Variants in SATB1 observed in about 807,000 individuals in gnomAD.
SATB1 encodes DNA-binding protein SATB1.
Under a neutral mutation model 86.9 loss-of-function variants are expected in SATB1, and 11 were observed. That is an observed-to-expected ratio of 0.13 (90% CI 0.08 to 0.21). The LOEUF (loss-of-function observed/expected upper bound fraction) is 0.21, where lower values mean the gene tolerates loss of function less well. Ranked by LOEUF, SATB1 falls within the 10% of genes least tolerant of loss-of-function variation. The pLI is 1.00. For missense variants in SATB1, 551 were observed against 937.6 expected (o/e 0.59, Z 5.39); for synonymous variants, 357 against 357.2 (o/e 1.00, Z 0.01).
At chr3:18,433,651 A>G (rs527882978) in intron 2 of SATB1, among the ~76,000 whole-genome samples, 1 of 152,222 alleles carries the variant, frequency 6.6e-6, no homozygotes, top group South Asian at 2.1e-4. Context: ...CGCATAATTA[A>G]GGAATGCTAA....
At chr3:18,388,325 CAAAA>C (rs200115186) in intron 7 of SATB1, among the ~76,000 whole-genome samples, 1 of 144,300 alleles carries the variant, frequency 6.9e-6, no homozygotes. Flanking sequence ...ATTCAGGTCT[CAAAA>C]AAAAAAAGTT....
intron 7 of SATB1, among the ~76,000 whole-genome samples, chr3:18,389,078 T>C (rs1696493973): frequency 2.0e-5 from 3 of 152,108 alleles, no homozygotes; most frequent in Admixed American, 6.5e-5. Flanking sequence ...GACTTCCTAT[T>C]TAAGCATACA....
chr3:18,351,690 A>T, intron 10 of SATB1: 3 of 503,400 alleles, frequency 6.0e-6, no homozygotes, highest in Non-Finnish European at 1.1e-5. Flanking sequence ...AAAACACACA[A>T]AAATTTTAAG....
chr3:18,419,654 G>A (rs1011412559), intron 2 of SATB1, among the ~76,000 whole-genome samples: 5 of 152,210 alleles, frequency 3.3e-5, no homozygotes, highest in South Asian at 2.1e-4. Flanking sequence ...TTGAAAAGCC[G>A]TAATAAATTA....
rs1208171039 is a variant in SATB1 at position 18,413,340 on chromosome 3, G to GT, written c.639+1770dup. 3.3e-5 allele frequency among the ~76,000 whole-genome samples: 5 copies of GT among 152,206 alleles called. No individual in the cohort carries two copies. In the East Asian group the frequency reaches 9.7e-4, roughly 29 times the overall value. On this transcript the variant is annotated intron_variant, in intron 5 of 10. Coordinates refer to ENST00000338745, the MANE Select transcript of SATB1 (RefSeq NM_002971.6). ...TCACTGACTGTATCAATAAATATTT[G>GT]TAACGACAGCCTCTTCTTCAGCTCA...
At chr3:18,359,061 G>A (rs1306271040) in intron 9 of SATB1, among the ~76,000 whole-genome samples, 2 of 151,974 alleles carry the variant, frequency 1.3e-5, no homozygotes, top group Non-Finnish European at 2.9e-5. Context: ...AACTTGGAAG[G>A]AATACTCACA....
chr3:18,429,712 G>A (rs1476410477), upstream of SATB1, among the ~76,000 whole-genome samples: 1 of 152,120 alleles, frequency 6.6e-6, no homozygotes, highest in Non-Finnish European at 1.5e-5. This position sits in a 1 kb window ranked among gnomAD's most constrained non-coding sequence, Gnocchi z 4.1. Flanking sequence ...AAGAAGTTCT[G>A]GCCCCCATTA....
chr3:18,382,985 AT>A (rs1046571620), intron 8 of SATB1, among the ~76,000 whole-genome samples: 5 of 152,360 alleles, frequency 3.3e-5, no homozygotes, highest in Admixed American at 2.0e-4. Context: ...GATTCAATGA[AT>A]TAATGTATTC....
intron 2 of SATB1, among the ~76,000 whole-genome samples, chr3:18,420,458 C>A (rs1367849500): frequency 6.6e-6 from 1 of 152,128 alleles, no homozygotes; most frequent in Non-Finnish European, 1.5e-5. Context: ...CTACAATCCT[C>A]GACTACAACA....
chr3:18,407,323 T>C (rs528632384), intron 5 of SATB1, among the ~76,000 whole-genome samples: 22 of 152,190 alleles, frequency 1.4e-4, no homozygotes, highest in African/African-American at 4.8e-4. Context: ...AATGTTGAGA[T>C]TGAGTTATAA....
chr3:18,406,607 A>AAGCATTCAGAC (rs1382417972), intron 5 of SATB1, among the ~76,000 whole-genome samples: 7 of 151,990 alleles, frequency 4.6e-5, no homozygotes, highest in Non-Finnish European at 1.0e-4. Context: ...AGGTCTTTTT[A>AAGCATTCAGAC]AGCATTCAGA....
intron 9 of SATB1, among the ~76,000 whole-genome samples, chr3:18,358,688 T>TC (rs1257256751): frequency 8.6e-5 from 13 of 151,946 alleles, no homozygotes; most frequent in African/African-American, 2.7e-4. Context: ...CATGTATGTA[T>TC]CCCCCAATAT....
chr3:18,391,405 T>C (rs1696663885), intron 7 of SATB1, among the ~76,000 whole-genome samples: 1 of 152,106 alleles, frequency 6.6e-6, no homozygotes, highest in Non-Finnish European at 1.5e-5. Flanking sequence ...TACTTTAAGT[T>C]TTAGGGTACA....
chr3:18,415,338 C>G, intron 4 of SATB1, 104 bp from the exon 5 acceptor site: 1 of 1,333,612 alleles, frequency 7.5e-7, no homozygotes, highest in Non-Finnish European at 1.1e-6. Context: ...CAAACAGATG[C>G]ATCTGGAGAT....
chr3:18,345,482 C>T lies in SATB1; in HGVS notation c.*3688G>A, dbSNP rs1332837496. The T allele has an allele frequency of 6.6e-6, 1 of 151,988 alleles. No homozygotes were observed. The highest frequency in any genetic ancestry group is 1.5e-5 in the Non-Finnish European group (1 of 67,938). The allele number at this position is 151,988 out of a possible 1,614,324, so 9.4% of individuals were successfully genotyped here. On this transcript the variant is annotated 3_prime_UTR_variant, in exon 11 of 11. Coordinates refer to ENST00000338745, the MANE Select transcript of SATB1 (RefSeq NM_002971.6). ...TACCACAATTTCTTTAATTAGGGTA[C>T]TTTATATTTTATCAAAAATGTGCAT...
intron 1 of SATB1, among the ~76,000 whole-genome samples, chr3:18,421,779 A>C (rs1035017365): frequency 6.6e-6 from 1 of 152,022 alleles, no homozygotes; most frequent in African/African-American, 2.4e-5. Context: ...GTTAACAATA[A>C]ATATTTTTAA....
At chr3:18,445,454 C>T in intron 1 of SATB1, 1 of 985,290 alleles carries the variant, frequency 1.0e-6, no homozygotes, top group Non-Finnish European at 1.2e-6. Flanking sequence ...TAAGTGTGGG[C>T]GCTTGGGGGT....
In SATB1 at chr3:18,415,349, T is replaced by A; in HGVS notation, c.516-115A>T. Reference sequence around the variant, plus strand: ...GCATCAAACAGATGCATCTGGAGATTGCTCTCGGTCTCCTGATTGTTCCGA... The same window carrying A: ...GCATCAAACAGATGCATCTGGAGATAGCTCTCGGTCTCCTGATTGTTCCGA... On this transcript the variant is annotated intron_variant, in intron 4 of 10. Transcript: ENST00000338745. 2.5e-6 allele frequency: 3 copies of A among 1,190,720 alleles called. No homozygotes were observed. The South Asian group carries it at 4.2e-5, about 17-fold the overall frequency. The allele number at this position is 1,190,720 out of a possible 1,614,324, so 73.8% of individuals were successfully genotyped here.
upstream of SATB1, among the ~76,000 whole-genome samples, chr3:18,429,884 G>A (rs1282619761): frequency 6.6e-6 from 1 of 152,204 alleles, no homozygotes; most frequent in African/African-American, 2.4e-5. The surrounding 1 kb of genome is among the most constrained non-coding windows in gnomAD (Gnocchi z 4.1). Flanking sequence ...ATATTACTAG[G>A]AATTTATACA....
Sources: gnomAD v4.1 joint callset for allele counts (sites outside exome capture counted in the v4.1 genomes callset) on GRCh38, gnomAD v4.1.1 for gene constraint, Gnocchi (gnomAD v3.1) non-coding constraint, MANE v1.5 for transcripts, NCBI Gene and HGNC (gene_info 2026-07-23, HGNC 2026-07-21) for gene names.